Variants in SLC24A2 observed in about 807,000 individuals in gnomAD.
SLC24A2 encodes sodium/potassium/calcium exchanger 2.
In SLC24A2, 36 loss-of-function variants were observed where a neutral mutation model predicts 62.0. That is an observed-to-expected ratio of 0.58 (90% CI 0.44 to 0.77). The LOEUF is 0.77. Ranked by LOEUF, SLC24A2 falls within the 30% of genes least tolerant of loss-of-function variation. SLC24A2 has a pLI of 0.00. For synonymous variants in SLC24A2, 358 were observed against 294.0 expected (o/e 1.22, Z -2.23); for missense variants, 846 against 817.9 (o/e 1.03, Z -0.42).
intron 6 of SLC24A2, among the ~76,000 whole-genome samples, chr9:19,576,094 C>T (rs944285835): frequency 6.6e-6 from 1 of 151,990 alleles, no homozygotes; most frequent in African/African-American, 2.4e-5. Context: ...AAAAATTTTC[C>T]CTGAGGTAGA....
the SLC24A2 span, among the ~76,000 whole-genome samples, chr9:20,076,684 G>T: frequency 6.6e-6 from 1 of 151,936 alleles, no homozygotes; most frequent in Non-Finnish European, 1.5e-5. Context: ...AGAGCTAAAG[G>T]GAAGAACAAG....
At chr9:20,031,825 AG>A in the SLC24A2 span, among the ~76,000 whole-genome samples, 1 of 152,160 alleles carries the variant, frequency 6.6e-6, no homozygotes, top group Admixed American at 6.5e-5. Context: ...CTGTTGCTGT[AG>A]GGGCGTTGGT....
At chr9:19,659,003 C>CA (rs1425009452) in intron 2 of SLC24A2, among the ~76,000 whole-genome samples, 2 of 152,116 alleles carry the variant, frequency 1.3e-5, no homozygotes, top group African/African-American at 4.8e-5. Context: ...TGTGTCCTCT[C>CA]AAAAAAGCTA....
At chr9:19,748,842 T>C (rs1821906839) in intron 2 of SLC24A2, among the ~76,000 whole-genome samples, 1 of 151,918 alleles carries the variant, frequency 6.6e-6, no homozygotes, top group African/African-American at 2.4e-5. Flanking sequence ...AGGAGGGTGA[T>C]AAGCAACCCT....
the SLC24A2 span, among the ~76,000 whole-genome samples, chr9:20,041,754 C>A: frequency 6.6e-6 from 1 of 152,260 alleles, no homozygotes; most frequent in Non-Finnish European, 1.5e-5. Context: ...AAGTTGGTAT[C>A]TGGCCAAATG....
chr9:19,931,520 T>C, the SLC24A2 span, among the ~76,000 whole-genome samples: 1 of 152,350 alleles, frequency 6.6e-6, no homozygotes, highest in African/African-American at 2.4e-5. Context: ...AACATCATAC[T>C]GACATAGATT....
the SLC24A2 span, among the ~76,000 whole-genome samples, chr9:20,276,792 TG>T: frequency 6.6e-6 from 1 of 152,230 alleles, no homozygotes; most frequent in South Asian, 2.1e-4. Context: ...TGTATACCTG[TG>T]GGCCCAACAC....
At chr9:20,153,258 G>A in the SLC24A2 span, among the ~76,000 whole-genome samples, 1 of 151,846 alleles carries the variant, frequency 6.6e-6, no homozygotes, top group Non-Finnish European at 1.5e-5. Context: ...AGGAGAAACT[G>A]AATCTAAAAA....
At chr9:20,263,664 T>A in the SLC24A2 span, among the ~76,000 whole-genome samples, 4 of 152,336 alleles carry the variant, frequency 2.6e-5, no homozygotes, top group South Asian at 2.1e-4. Flanking sequence ...ATGCACTACA[T>A]GTTTACATGA....
rs182786881 is a variant in SLC24A2 at position 19,556,641 on chromosome 9, C to T, written c.1348-6373G>A. Among the ~76,000 whole-genome samples the T allele has an allele frequency of 4.5e-4, 68 of 152,250 alleles. 1 individual carries two copies. The highest frequency in any genetic ancestry group is 3.5e-3 in the South Asian group (17 of 4,800). On this transcript the variant is annotated intron_variant, in intron 7 of 10. Coordinates refer to ENST00000341998, the MANE Select transcript of SLC24A2 (RefSeq NM_020344.4). ...GAGTGAAGTTCTTACATCTCTCCCC[C>T]GGCTCACTGTAACACTTAGGAGTGC...
chr9:19,964,711 G>C, the SLC24A2 span, among the ~76,000 whole-genome samples: 2 of 152,188 alleles, frequency 1.3e-5, no homozygotes, highest in Admixed American at 6.5e-5. Flanking sequence ...GGGAAGCAGT[G>C]GCCATTTCTT....
chr9:20,245,966 T>C, the SLC24A2 span, among the ~76,000 whole-genome samples: 2 of 152,164 alleles, frequency 1.3e-5, no homozygotes, highest in South Asian at 2.1e-4. Context: ...CACCAATTAG[T>C]ATAAGGGGGA....
At chr9:20,131,693 G>A in the SLC24A2 span, among the ~76,000 whole-genome samples, 4 of 152,114 alleles carry the variant, frequency 2.6e-5, no homozygotes, top group Non-Finnish European at 2.9e-5. Flanking sequence ...TGCTATAGAC[G>A]ACTGCAAAAG....
the SLC24A2 span, among the ~76,000 whole-genome samples, chr9:20,264,417 G>A: frequency 3.7e-4 from 56 of 152,284 alleles, no homozygotes; most frequent in African/African-American, 1.3e-3. Flanking sequence ...TGCTTCATGT[G>A]TTGCAGCTGA....
At chr9:19,789,048 G>C (rs961772205), upstream of SLC24A2, 8 of 700,144 alleles carry the variant, frequency 1.1e-5, no homozygotes, top group African/African-American at 7.7e-5. Flanking sequence ...GAGCCGCTGT[G>C]AGCCCGGCGC....
chr9:19,556,396 A>G (rs1835088582), intron 7 of SLC24A2, among the ~76,000 whole-genome samples: 1 of 152,218 alleles, frequency 6.6e-6, no homozygotes, highest in Non-Finnish European at 1.5e-5. Flanking sequence ...TTGTCTGTGA[A>G]GGGCACTGAG....
chr9:20,161,703 T>C, the SLC24A2 span, among the ~76,000 whole-genome samples: 1 of 151,324 alleles, frequency 6.6e-6, no homozygotes, highest in Non-Finnish European at 1.5e-5. Flanking sequence ...GAATGATGCA[T>C]ATTTCTTCAG....
At chr9:19,518,053 A>G (rs949867195) in intron 10 of SLC24A2, among the ~76,000 whole-genome samples, 2 of 152,052 alleles carry the variant, frequency 1.3e-5, no homozygotes, top group African/African-American at 4.8e-5. Flanking sequence ...CTTTTGGTCT[A>G]TTAATTCTAT....
At chr9:19,623,816 T>C (rs1817967866) in intron 2 of SLC24A2, among the ~76,000 whole-genome samples, 1 of 152,226 alleles carries the variant, frequency 6.6e-6, no homozygotes, top group East Asian at 1.9e-4. Flanking sequence ...AGCATTTTTA[T>C]AGGCTCTTGA....
Sources: allele counts gnomAD v4.1 joint callset (sites outside exome capture counted in the v4.1 genomes callset), GRCh38; gene constraint gnomAD v4.1.1; transcripts MANE v1.5; gene names NCBI Gene and HGNC (gene_info 2026-07-23, HGNC 2026-07-21).